The following TNRC6B variants were observed in gnomAD, a reference collection of about 807,000 sequenced individuals.
The protein encoded by TNRC6B is trinucleotide repeat-containing gene 6B protein.
TNRC6B carries 52 observed loss-of-function variants against 203.6 expected under a neutral mutation model. The ratio of observed to expected loss-of-function variants is 0.26; its 90% confidence interval spans 0.20 to 0.32. TNRC6B has a LOEUF of 0.32. TNRC6B is among the 10% of genes least tolerant of loss of function. The pLI is 1.00. For missense variants in TNRC6B, 1,923 were observed against 2,286.2 expected, an observed-to-expected ratio of 0.84 and a Z score of 3.24; for synonymous variants, 838 against 845.7, an observed-to-expected ratio of 0.99 and a Z score of 0.16.
chr22:40,291,637 C>T (rs992496763), intron 12 of TNRC6B, among the ~76,000 whole-genome samples: 15 of 152,188 alleles, frequency 9.9e-5, no homozygotes, highest in African/African-American at 3.4e-4. Flanking sequence ...GATGTTTCAT[C>T]AGGTAGATTT....
At chr22:40,078,316 G>T (rs1346143863) in intron 1 of TNRC6B, among the ~76,000 whole-genome samples, 2 of 152,152 alleles carry the variant, frequency 1.3e-5, no homozygotes, top group African/African-American at 4.8e-5. Context: ...GAGGCCAGGA[G>T]TTCAAGACCA....
At chr22:40,045,162 G>A (rs2067675945) in intron 1 of TNRC6B, among the ~76,000 whole-genome samples, 1 of 145,276 alleles carries the variant, frequency 6.9e-6, no homozygotes, top group African/African-American at 2.5e-5. Flanking sequence ...GGGAGCGCGC[G>A]TGGGGCGGGG....
intron 1 of TNRC6B, among the ~76,000 whole-genome samples, chr22:40,230,759 G>A (rs2069859082): frequency 6.6e-6 from 1 of 151,634 alleles, no homozygotes; most frequent in Non-Finnish European, 1.5e-5. Context: ...AATATATCAG[G>A]GTTTTTTCTT....
At chr22:40,103,427 C>T (rs1482738417) in intron 1 of TNRC6B, among the ~76,000 whole-genome samples, 1 of 152,066 alleles carries the variant, frequency 6.6e-6, no homozygotes, top group African/African-American at 2.4e-5. Flanking sequence ...TCATACGGTA[C>T]GTAGTCTTTC....
At chr22:40,299,720 C>CA (rs773495236) in intron 12 of TNRC6B, among the ~76,000 whole-genome samples, 4 of 152,314 alleles carry the variant, frequency 2.6e-5, no homozygotes, top group East Asian at 1.9e-4. Flanking sequence ...ACTTGGCACT[C>CA]ACGGACACGT....
chr22:40,206,811 G>T (rs5995836), intron 1 of TNRC6B, among the ~76,000 whole-genome samples: 103,289 of 152,000 alleles, frequency 0.68, 36,875 homozygotes, highest in African/African-American at 0.91. Context: ...GAGGCGACAG[G>T]TGACACTGCA....
chr22:40,236,032 A>G (rs1444716062), intron 1 of TNRC6B, among the ~76,000 whole-genome samples: 4 of 152,210 alleles, frequency 2.6e-5, no homozygotes, highest in Non-Finnish European at 4.4e-5. Context: ...GAGATTCTGT[A>G]TGCCATTCCA....
rs944979427 is a variant in TNRC6B, at chr22:40,328,121, C to G, written c.*4880C>G. The G allele has an allele frequency of 6.6e-6, 1 of 152,236 alleles. No individual in the cohort carries two copies. Among genetic ancestry groups the G allele is most frequent in the African/African-American group, 2.4e-5 (1 of 41,454 alleles). The allele number at this position is 152,236 out of a possible 1,614,324, so 9.4% of individuals were successfully genotyped here. On this transcript the variant is annotated 3_prime_UTR_variant, in exon 23 of 23. Transcript: ENST00000454349. ...GGCTCATGTAACATCTCTGATCCCT[C>G]AGTCCCCAACCCTGGACGTGTTTCA...
At chr22:40,226,023 C>G (rs2069780973) in intron 1 of TNRC6B, among the ~76,000 whole-genome samples, 1 of 152,114 alleles carries the variant, frequency 6.6e-6, no homozygotes, top group South Asian at 2.1e-4. Flanking sequence ...GATTTGAAGT[C>G]ATTTTCTCAC....
chr22:40,100,063 TTTTA>T (rs1555979599), intron 1 of TNRC6B, among the ~76,000 whole-genome samples: 5,132 of 92,498 alleles, frequency 0.055, 118 homozygotes, highest in African/African-American at 0.11. Flanking sequence ...TCCATTTTAT[TTTTA>T]TTATTTATTT....
At chr22:40,260,274 C>CT (rs1036621732) in intron 3 of TNRC6B, among the ~76,000 whole-genome samples, 4 of 150,786 alleles carry the variant, frequency 2.7e-5, no homozygotes, top group African/African-American at 7.3e-5. Context: ...CGGTGCAAGT[C>CT]TTTGAGTCCA....
chr22:40,126,434 T>A (rs1237105718), intron 3 of TNRC6B, among the ~76,000 whole-genome samples: 4 of 152,012 alleles, frequency 2.6e-5, no homozygotes, highest in Non-Finnish European at 4.4e-5. Context: ...GTGTCCACCG[T>A]TTCCATCTTT....
intron 1 of TNRC6B, among the ~76,000 whole-genome samples, chr22:40,110,628 A>C (rs1056848169): frequency 3.3e-5 from 5 of 152,368 alleles, no homozygotes; most frequent in African/African-American, 1.2e-4. Context: ...AAGGTTGGGT[A>C]TGAGTCTTTC....
chr22:40,274,777 C>T (rs1006375114), intron 7 of TNRC6B, among the ~76,000 whole-genome samples: 2 of 152,134 alleles, frequency 1.3e-5, no homozygotes, highest in Non-Finnish European at 2.9e-5. Context: ...AACTTTTCAC[C>T]TTCTGTGTGA....
Position 40,277,860 on chromosome 22 carries a change from T to G in TNRC6B, c.3217-139T>G, listed in dbSNP as rs538113232. On this transcript the variant is annotated intron_variant, in intron 8 of 22. Transcript: ENST00000454349. Reference sequence around the variant, plus strand: ...AGCTAGCATATTAAAAATGTTAATGTCTTCAGTACCATCAAGTTCATTTCA... The same window carrying G: ...AGCTAGCATATTAAAAATGTTAATGGCTTCAGTACCATCAAGTTCATTTCA... 18 of 651,202 alleles carry G rather than the reference T, an allele frequency of 2.8e-5. No homozygotes were observed. The East Asian group carries it at 4.7e-4, about 17-fold the overall frequency. 40.3% of individuals were successfully genotyped at this position (651,202 alleles called of 1,614,324 possible).
chr22:40,170,760 T>G (rs2068977513), intron 4 of TNRC6B, among the ~76,000 whole-genome samples: 3 of 120,812 alleles, frequency 2.5e-5, no homozygotes, highest in Admixed American at 1.8e-4. Flanking sequence ...TACATATATG[T>G]GTGTATATAT....
At chr22:40,298,270 G>A (rs1294093164) in intron 12 of TNRC6B, among the ~76,000 whole-genome samples, 1 of 152,082 alleles carries the variant, frequency 6.6e-6, no homozygotes, top group African/African-American at 2.4e-5. Context: ...TGTGAATCAG[G>A]AGTTACAATC....
chr22:40,091,215 C>T (rs1299119369), intron 1 of TNRC6B, among the ~76,000 whole-genome samples: 1 of 151,972 alleles, frequency 6.6e-6, no homozygotes, highest in Non-Finnish European at 1.5e-5. Context: ...GATCTCCTGA[C>T]CTCGTGATCC....
chr22:40,313,830 C>T (rs1392635591), intron 19 of TNRC6B, among the ~76,000 whole-genome samples: 2 of 152,180 alleles, frequency 1.3e-5, no homozygotes, highest in Non-Finnish European at 2.9e-5. Context: ...AAACCTTCCA[C>T]GTTAATTTTT....
Sources: allele counts gnomAD v4.1 joint callset (sites outside exome capture counted in the v4.1 genomes callset), GRCh38; gene constraint gnomAD v4.1.1; transcripts MANE v1.5; gene names NCBI Gene and HGNC (gene_info 2026-07-23, HGNC 2026-07-21).